The following TNRC18 variants were observed in gnomAD, a reference collection of about 807,000 sequenced individuals.
TNRC18 encodes the protein trinucleotide repeat-containing gene 18 protein.
A neutral mutation model predicts 226.7 loss-of-function variants in TNRC18; 69 were observed. That is an observed-to-expected ratio of 0.30 (90% CI 0.25 to 0.37). TNRC18 has a LOEUF of 0.37. TNRC18 is among the 10% of genes least tolerant of loss of function. The pLI, the probability that TNRC18 is intolerant of heterozygous loss-of-function variation, is 1.00. For missense variants in TNRC18, 4,754 were observed against 4,256.6 expected (o/e 1.12, Z -3.25); for synonymous variants, 2,449 against 1,927.6 (o/e 1.27, Z -7.09).
intron 5 of TNRC18, 28 bp from the exon 6 acceptor site, chr7:5,378,052 C>A: frequency 6.3e-7 from 1 of 1,591,976 alleles, no homozygotes; most frequent in Non-Finnish European, 8.6e-7. Flanking sequence ...GAAGTGAGCC[C>A]CCAGCCAGCA....
At chr7:5,381,598 C>A (rs542672490) in intron 5 of TNRC18, among the ~76,000 whole-genome samples, 1 of 152,224 alleles carries the variant, frequency 6.6e-6, no homozygotes, top group South Asian at 2.1e-4. Context: ...GAACTCCAAC[C>A]TGGGCAACGG....
chr7:5,390,391 G>A (rs1780201210), intron 4 of TNRC18, 94 bp downstream of exon 4: 2 of 1,328,608 alleles, frequency 1.5e-6, no homozygotes, highest in Admixed American at 2.0e-5. Flanking sequence ...CCAGCATCCT[G>A]GACAGAGCTG....
intron 10 of TNRC18, among the ~76,000 whole-genome samples, chr7:5,373,182 A>C (rs1168387049): frequency 6.6e-6 from 1 of 152,086 alleles, no homozygotes; most frequent in East Asian, 1.9e-4. Context: ...TAAATAGCCA[A>C]GTCCAGTGAT....
At position 5,388,125 on chromosome 7, in the gene TNRC18, G is replaced by T. The variant is rs1210725525; in HGVS notation, c.1699C>A (p.Arg567=). Residue 567 remains arginine (R), a synonymous_variant, in exon 5 of 30, where the codon CGG becomes AGG. Coordinates refer to ENST00000430969, the MANE Select transcript of TNRC18 (RefSeq NM_001080495.3). ...GCAGAGTGCATGTCAGCGACCGGCCGGCCGCAGGTGGCCGCCGAGCGGGGC... is the reference window on the plus strand; with the variant it reads ...GCAGAGTGCATGTCAGCGACCGGCCTGCCGCAGGTGGCCGCCGAGCGGGGC... ...VLPRSAATCG[R]PVADMHSAAH... is the part of the protein sequence containing the mutation. The T allele has an allele frequency of 6.4e-7, 1 of 1,554,622 alleles. No individual in the cohort carries two copies. Among genetic ancestry groups the T allele is most frequent in the Admixed American group, 1.9e-5 (1 of 51,498 alleles).
At chr7:5,384,818 G>A (rs1436895754) in intron 5 of TNRC18, among the ~76,000 whole-genome samples, 1 of 152,230 alleles carries the variant, frequency 6.6e-6, no homozygotes, top group African/African-American at 2.4e-5. Flanking sequence ...CAAAGCCCCA[G>A]GGTCAGAGTG....
chr7:5,325,162 G>A lies in TNRC18; in HGVS notation c.6234C>T (p.His2078=), dbSNP rs371946501. 94 of 1,552,476 alleles carry A rather than the reference G, an allele frequency of 6.1e-5. No individual in the cohort carries two copies. The highest frequency in any genetic ancestry group is 2.9e-4 in the Admixed American group (15 of 51,132). Residue 2078 remains histidine (H), a synonymous_variant, in exon 20 of 30, where the codon CAC becomes CAT. Coordinates refer to ENST00000430969, the MANE Select transcript of TNRC18 (RefSeq NM_001080495.3). ...TTTTGGCAGCGGTCAGGGAGCTGGC[G>A]TGAGGAGCCCTGGCCTCAGAGGGCA... is the stretch of plus-strand genomic sequence containing the variant. ...PALPSEARAP[H]ASSLTAAKRS...
At chr7:5,334,173 G>A (rs1028716794) in intron 18 of TNRC18, among the ~76,000 whole-genome samples, 1 of 152,220 alleles carries the variant, frequency 6.6e-6, no homozygotes, top group Admixed American at 6.5e-5. Flanking sequence ...TACTGACCCC[G>A]GGGGGCAGCC....
Position 5,387,737 on chromosome 7 carries a change from C to CCGCCACTGT in TNRC18, c.2078_2086dup (p.Asp693_Gly695dup). 1 of 1,606,848 alleles carries CCGCCACTGT rather than the reference C, an allele frequency of 6.2e-7. No homozygotes were observed. Among genetic ancestry groups the CCGCCACTGT allele is most frequent in the Non-Finnish European group, 8.5e-7 (1 of 1,179,814 alleles). On this transcript the variant is annotated inframe_insertion, in exon 5 of 30. Coordinates refer to ENST00000430969, the MANE Select transcript of TNRC18 (RefSeq NM_001080495.3). Reference sequence around the variant, plus strand: ...CAGCCCAGGCCCCAGCCGGCCACTGCCGCCACTGTCCTTCTGCCGGGCCAC... The same window carrying CCGCCACTGT: ...CAGCCCAGGCCCCAGCCGGCCACTGCCGCCACTGTCGCCACTGTCCTTCTGCCGGGCCAC...
intron 5 of TNRC18, among the ~76,000 whole-genome samples, chr7:5,384,247 C>G (rs752539366): frequency 4.1e-4 from 62 of 152,270 alleles, no homozygotes; most frequent in Non-Finnish European, 7.8e-4. Context: ...GGATTACAGG[C>G]GTGAGCCACC....
Position 5,307,972 on chromosome 7 carries a change from A to C in TNRC18, c.*134T>G. 1 of 784,310 alleles carries C rather than the reference A, an allele frequency of 1.3e-6. No individual in the cohort carries two copies. Among genetic ancestry groups the C allele is most frequent in the Non-Finnish European group, 2.0e-6 (1 of 494,646 alleles). The allele number at this position is 784,310 out of a possible 1,614,324, so 48.6% of individuals were successfully genotyped here. A position where few individuals can be genotyped will look rare whatever the true frequency, so the allele number is the denominator to read the frequency against. On this transcript the variant is annotated 3_prime_UTR_variant, in exon 30 of 30. Coordinates refer to ENST00000430969, the MANE Select transcript of TNRC18 (RefSeq NM_001080495.3). ...CACACTCACCCGGGCATCCACGTGC[A>C]CACCTGGCCCCATGCACACGCCTGC...
chr7:5,394,785 C>A lies in TNRC18; in HGVS notation c.188-190G>T, dbSNP rs1780554760. On this transcript the variant is annotated intron_variant, in intron 2 of 29. Coordinates refer to ENST00000430969, the MANE Select transcript of TNRC18 (RefSeq NM_001080495.3). This position sits in a 1 kb window ranked among gnomAD's most constrained non-coding sequence, Gnocchi z 4.5. Reference sequence around the variant, plus strand: ...CCTGGGCTGCAAGATGGTCCTGGATCAACCCAACCAGACCCAGGGCTTGAG... The same window carrying A: ...CCTGGGCTGCAAGATGGTCCTGGATAAACCCAACCAGACCCAGGGCTTGAG... Among the ~76,000 whole-genome samples the A allele has an allele frequency of 6.6e-6, 1 of 152,092 alleles. No homozygotes were observed. The highest frequency in any genetic ancestry group is 2.1e-4 in the South Asian group (1 of 4,824).
chr7:5,417,852 A>C (rs1473409191), intron 2 of TNRC18, among the ~76,000 whole-genome samples: 2 of 152,158 alleles, frequency 1.3e-5, no homozygotes, highest in Admixed American at 6.6e-5. Flanking sequence ...TTCACTGATT[A>C]ATCTTTCTAA....
intron 16 of TNRC18, among the ~76,000 whole-genome samples, chr7:5,355,307 A>G (rs1792237989): frequency 6.6e-6 from 1 of 152,228 alleles, no homozygotes; most frequent in Non-Finnish European, 1.5e-5. Context: ...TCCATTCTTC[A>G]GTCCCATCAG....
chr7:5,314,095 G>A (rs1787594600), intron 26 of TNRC18, among the ~76,000 whole-genome samples: 1 of 151,966 alleles, frequency 6.6e-6, no homozygotes, highest in South Asian at 2.1e-4. Context: ...AGTAACCTGA[G>A]GCCACAAGCA....
In TNRC18 at chr7:5,388,434, C is replaced by A. The variant is rs1779988377; in HGVS notation, c.1390G>T (p.Glu464Ter). 1.4e-6 allele frequency: 2 copies of A among 1,469,114 alleles called. No individual in the cohort carries two copies. The highest frequency in any genetic ancestry group is 1.8e-6 in the Non-Finnish European group (2 of 1,122,204). 91.0% of individuals were successfully genotyped at this position (1,469,114 alleles called of 1,614,324 possible). A position where few individuals can be genotyped will look rare whatever the true frequency, so the allele number is the denominator to read the frequency against. The change falls in exon 5 of 30, where the codon GAG (glutamate) becomes TAG (stop). Residue 464 changes from glutamate to a stop codon, truncating the protein, a stop_gained. Transcript: ENST00000430969. LOFTEE classifies it high-confidence loss of function. ...GGGTCCGCCTCGGGCTTGAGCAGCT[C>A]CTTGGCAGGCACGTAGGCGCGGGGG... Reference protein sequence around the residue: ...PDPRAYVPAKELLKPEADPRP... With the variant: ...PDPRAYVPAK
At chr7:5,399,365 C>G (rs958175179) in intron 2 of TNRC18, among the ~76,000 whole-genome samples, 3 of 152,190 alleles carry the variant, frequency 2.0e-5, no homozygotes, top group African/African-American at 4.8e-5. Context: ...GCCTACTCAC[C>G]CCAGTTATTA....
At position 5,309,357 on chromosome 7, in the gene TNRC18, C is replaced by G. The variant is rs778917619; in HGVS notation, c.8400G>C (p.Met2800Ile). 1.5e-5 allele frequency: 24 copies of G among 1,611,870 alleles called. No individual in the cohort carries two copies. Among genetic ancestry groups the G allele is most frequent in the Non-Finnish European group, 2.0e-5 (24 of 1,179,000 alleles). The change falls in exon 28 of 30, where the codon ATG becomes ATC. Residue 2800 changes from methionine (M) to isoleucine (I), a missense_variant. Physicochemically the swap from Met to Ile is conservative, Grantham distance 10. Transcript: ENST00000430969. The surrounding 1 kb of genome is among the most constrained non-coding windows in gnomAD (Gnocchi z 5.7). ...WFGKPTQRRGMKGKARKLFYK... is the reference protein window; with the variant it reads ...WFGKPTQRRGIKGKARKLFYK... Reference sequence around the variant, plus strand: ...AGAAGAGCTTGCGGGCCTTGCCCTTCATGCCACGCCGCTGCAAGGACACGT... The same window carrying G: ...AGAAGAGCTTGCGGGCCTTGCCCTTGATGCCACGCCGCTGCAAGGACACGT...
chr7:5,317,833 G>A (rs1788005144), intron 24 of TNRC18, among the ~76,000 whole-genome samples: 1 of 151,534 alleles, frequency 6.6e-6, no homozygotes, highest in Non-Finnish European at 1.5e-5. Context: ...GGTCTCCCAA[G>A]TAGCTAGGAC....
intron 10 of TNRC18, 88 bp downstream of exon 10, chr7:5,373,967 C>T (rs1013136246): frequency 5.4e-6 from 6 of 1,103,800 alleles, no homozygotes; most frequent in Admixed American, 3.7e-5. Flanking sequence ...AATGAACGAA[C>T]GATCGAACGG....
Sources: gnomAD v4.1 joint callset for allele counts (sites outside exome capture counted in the v4.1 genomes callset) on GRCh38, gnomAD v4.1.1 for gene constraint, Gnocchi (gnomAD v3.1) non-coding constraint, MANE v1.5 for transcripts, NCBI Gene and HGNC (gene_info 2026-07-23, HGNC 2026-07-21) for gene names.